The following KCP variants were observed in gnomAD, a reference collection of about 807,000 sequenced individuals.
KCP encodes kielin/chordin-like protein.
KCP carries 194 observed loss-of-function variants against 212.7 expected under a neutral mutation model. The observed-to-expected ratio is 0.91, with a 90% CI of 0.81 to 1.03. KCP has a LOEUF of 1.03. KCP is among the 50% of genes least tolerant of loss of function. KCP has a pLI of 0.00. For synonymous variants in KCP, 833 were observed against 865.3 expected (o/e 0.96, Z 0.65); for missense variants, 2,080 against 2,162.5 (o/e 0.96, Z 0.76).
At chr7:128,887,341 A>G (rs1413649064) in intron 22 of KCP, 41 bp from the exon 23 acceptor site, 2 of 1,457,470 alleles carry the variant, frequency 1.4e-6, no homozygotes, top group South Asian at 1.2e-5. Context: ...TGCCATCAAC[A>G]GAACCTCCAC....
chr7:128,896,196 A>G (rs1794510706), intron 8 of KCP, among the ~76,000 whole-genome samples: 1 of 152,156 alleles, frequency 6.6e-6, no homozygotes, highest in African/African-American at 2.4e-5. Flanking sequence ...ACCAGAAGGA[A>G]ATAGGCTGCA....
rs1264366408 is a variant in KCP at position 128,883,949 on chromosome 7, G to A, written c.3244+53C>T. ...TGGGACTGGTGAGGAAGGGCGGCAG[G>A]GGGTGGCAGCCCTAACCTCATATCT... On this transcript the variant is annotated intron_variant, in intron 29 of 39. Coordinates refer to ENST00000610776, the MANE Select transcript of KCP (RefSeq NM_001366122.1). 8 of 1,514,754 alleles carry A rather than the reference G, an allele frequency of 5.3e-6. No individual in the cohort carries two copies. The Admixed American group carries it at 8.9e-5, about 17-fold the overall frequency. 93.8% of individuals were successfully genotyped at this position (1,514,754 alleles called of 1,614,324 possible).
At chr7:128,878,120 G>C (rs1221639841) in intron 38 of KCP, among the ~76,000 whole-genome samples, 1 of 149,288 alleles carries the variant, frequency 6.7e-6, no homozygotes, top group Non-Finnish European at 1.5e-5. Context: ...GCAGTGGCAC[G>C]ATCTCAGCTC....
rs370359794 is a variant in KCP, at chr7:128,894,195, C to T, written c.925+5G>A. On this transcript the variant is annotated splice_donor_5th_base_variant and intron_variant, in intron 9 of 39. Coordinates refer to ENST00000610776, the MANE Select transcript of KCP (RefSeq NM_001366122.1). ...GTCAGGCCTCTGCCCTACCCACTGA[C>T]TCACCATCACACACAGGGCAGCAGG... 713 of 1,522,078 alleles carry T rather than the reference C, an allele frequency of 4.7e-4. No individual in the cohort carries two copies. Among genetic ancestry groups the T allele is most frequent in the Admixed American group, 1.0e-3 (50 of 49,406 alleles). 94.3% of individuals were successfully genotyped at this position (1,522,078 alleles called of 1,614,324 possible).
chr7:128,889,182 C>A, intron 21 of KCP, 143 bp from the exon 22 acceptor site: 2 of 482,238 alleles, frequency 4.1e-6, no homozygotes, highest in Admixed American at 4.7e-5. Flanking sequence ...AGGCCAAGCC[C>A]AGGGGGCAAA....
chr7:128,877,146 G>T lies in KCP; in HGVS notation c.4784C>A (p.Ala1595Asp). 1 of 1,504,008 alleles carries T rather than the reference G, an allele frequency of 6.6e-7. No homozygotes were observed. The highest frequency in any genetic ancestry group is 8.9e-7 in the Non-Finnish European group (1 of 1,127,662). 93.2% of individuals were successfully genotyped at this position (1,504,008 alleles called of 1,614,324 possible). ...QCPAGLVEHE[A>D]HCIPPEACPQ... The stretch of plus-strand genomic sequence containing the variant: ...GCAGGCCTCGGGTGGGATGCAGTGG[G>T]CCTCATGCTCCACCAGGCCTGCAGG... The change falls in exon 40 of 40, where the codon GCC becomes GAC. Residue 1595 changes from alanine (A) to aspartate (D), a missense_variant. Physicochemically the swap from Ala to Asp is moderately radical, Grantham distance 126. Transcript: ENST00000610776.
chr7:128,884,370 T>C (rs1279680515), intron 28 of KCP, among the ~76,000 whole-genome samples: 1 of 152,218 alleles, frequency 6.6e-6, no homozygotes, highest in African/African-American at 2.4e-5. Flanking sequence ...TGACCTTTGA[T>C]CCTCCGGCAG....
In KCP at chr7:128,891,196, G is replaced by T; in HGVS notation, c.1961C>A (p.Pro654Gln). ...EPVLLPGECC[P>Q]QCPAAPAPAG... ...GGTGCGGCCCCTACCTGGGCACTGC[G>T]GGCAGCACTCTCCCGGCAGCAGGAC... The change falls in exon 19 of 40, where the codon CCG (proline) becomes CAG (glutamine). Residue 654 changes from proline (P) to glutamine (Q), a missense_variant. Physicochemically the swap from Pro to Gln is moderately conservative, Grantham distance 76 (BLOSUM62 -1). Transcript: ENST00000610776. The T allele has an allele frequency of 6.5e-7, 1 of 1,543,804 alleles. No individual in the cohort carries two copies. Among genetic ancestry groups the T allele is most frequent in the Non-Finnish European group, 8.7e-7 (1 of 1,146,544 alleles).
rs934482731 is a variant in KCP, at chr7:128,884,142, G to T, written c.3124-20C>A. On this transcript the variant is annotated intron_variant, in intron 28 of 39. Transcript: ENST00000610776. ...CTGTGGCTACAAGAATGAGTGAGCA[G>T]CGGTGGGTCCTGGGCCACAAAAACC... 1 of 1,538,150 alleles carries T rather than the reference G, an allele frequency of 6.5e-7. No individual in the cohort carries two copies. Among genetic ancestry groups the T allele is most frequent in the African/African-American group, 1.4e-5 (1 of 72,354 alleles).
In KCP at chr7:128,893,225, C is replaced by A; in HGVS notation, c.1267+13G>T. 6.4e-7 allele frequency: 1 copy of A among 1,550,520 alleles called. No homozygotes were observed. The highest frequency in any genetic ancestry group is 8.7e-7 in the Non-Finnish European group (1 of 1,146,744). On this transcript the variant is annotated intron_variant, in intron 13 of 39. Transcript: ENST00000610776. ...GCGCCCATAGCAGCTGCTCCTCCCC[C>A]TCTCACACACACCTGGGCAGAGCTG... is the stretch of plus-strand genomic sequence containing the variant.
chr7:128,886,964 T>C lies in KCP; in HGVS notation c.2601A>G (p.Glu867=), dbSNP rs1255659061. Residue 867 remains glutamate, a splice_region_variant and synonymous_variant, in exon 24 of 40, where the codon GAA becomes GAG. Coordinates refer to ENST00000610776, the MANE Select transcript of KCP (RefSeq NM_001366122.1). ...GCTTCTTCTGGCAGCGCATGGAACCTTCCTGGGGGAGAGAGGCCCATCACA... is the reference window on the plus strand; with the variant it reads ...GCTTCTTCTGGCAGCGCATGGAACCCTCCTGGGGGAGAGAGGCCCATCACA... The part of the protein sequence containing the change: ...DPTCSLCTCQ[E]GSMRCQKKPC... 2.7e-6 allele frequency: 4 copies of C among 1,487,828 alleles called. No homozygotes were observed. Among genetic ancestry groups the C allele is most frequent in the Non-Finnish European group, 3.7e-6 (4 of 1,093,024 alleles). 92.2% of individuals were successfully genotyped at this position (1,487,828 alleles called of 1,614,324 possible).
chr7:128,908,326 C>T, intron 2 of KCP, 100 bp downstream of exon 2: 4 of 982,214 alleles, frequency 4.1e-6, no homozygotes, highest in Non-Finnish European at 5.6e-6. Context: ...CAGATAAGAG[C>T]TCTATTTTAG....
intron 21 of KCP, 103 bp from the exon 22 acceptor site, chr7:128,889,142 A>C: frequency 4.5e-5 from 34 of 748,164 alleles, no homozygotes; most frequent in Non-Finnish European, 6.2e-5. Context: ...CCAAGATCTC[A>C]AAGATCTAGC....
In KCP at chr7:128,877,569, G is replaced by C; in HGVS notation, c.4533C>G (p.Ala1511=). The change falls in exon 39 of 40, where the codon GCC becomes GCG. Residue 1511 remains alanine (A), a synonymous_variant. Transcript: ENST00000610776. ...AGGCTTCCAGGGCATCACAGAGGCA[G>C]GCATCAGCGGAGGAGCCAGGGCCAC... ...CACGPGSSAD[A]CLCDALEAYA... 1.9e-6 allele frequency: 3 copies of C among 1,551,576 alleles called. No homozygotes were observed. Among genetic ancestry groups the C allele is most frequent in the Non-Finnish European group, 1.7e-6 (2 of 1,146,990 alleles).
chr7:128,888,836 G>A, intron 22 of KCP, 27 bp downstream of exon 22: 1 of 1,541,950 alleles, frequency 6.5e-7, no homozygotes, highest in South Asian at 1.2e-5. Context: ...CCCAGCAGGG[G>A]GAATGGAAGG....
chr7:128,909,318 G>T (rs1326901265), intron 1 of KCP, among the ~76,000 whole-genome samples: 1 of 152,134 alleles, frequency 6.6e-6, no homozygotes, highest in Non-Finnish European at 1.5e-5. Context: ...GGAGGGAGAG[G>T]GATGGGTCTT....
chr7:128,885,010 C>G (rs1460405141), intron 27 of KCP, 87 bp downstream of exon 27: 1 of 1,533,106 alleles, frequency 6.5e-7, no homozygotes, highest in Non-Finnish European at 8.8e-7. Flanking sequence ...AACTGCCTGT[C>G]TCTGCCACCC....
chr7:128,883,482 A>G (rs1402153047), intron 29 of KCP, among the ~76,000 whole-genome samples: 1 of 152,168 alleles, frequency 6.6e-6, no homozygotes, highest in Non-Finnish European at 1.5e-5. Context: ...TTGCAAAGGT[A>G]GGTTATCATT....
At position 128,893,324 on chromosome 7, in the gene KCP, G is replaced by A. The variant is rs1374857465; in HGVS notation, c.1186-5C>T. 1.9e-6 allele frequency: 3 copies of A among 1,551,508 alleles called. No individual in the cohort carries two copies. Among genetic ancestry groups the A allele is most frequent in the Non-Finnish European group, 2.6e-6 (3 of 1,146,946 alleles). ...CTCACAGGAGACCTCGCCAGCCTAG[G>A]AGGGAAGCAGGTGAGACACCCTGAA... On this transcript the variant is annotated splice_region_variant and splice_polypyrimidine_tract_variant and intron_variant, in intron 12 of 39. Coordinates refer to ENST00000610776, the MANE Select transcript of KCP (RefSeq NM_001366122.1).
Sources: gnomAD v4.1 joint callset for allele counts (sites outside exome capture counted in the v4.1 genomes callset) on GRCh38, gnomAD v4.1.1 for gene constraint, MANE v1.5 for transcripts, NCBI Gene and HGNC (gene_info 2026-07-23, HGNC 2026-07-21) for gene names.